The following KIAA0753 variants were observed in gnomAD, a reference collection of about 807,000 sequenced individuals.
KIAA0753 encodes the protein protein moonraker.
KIAA0753 carries 114 observed loss-of-function variants against 116.9 expected under a neutral mutation model. The ratio of observed to expected loss-of-function variants is 0.98; its 90% CI spans 0.84 to 1.14. KIAA0753 has a LOEUF of 1.14. Ranked by LOEUF, KIAA0753 falls within the 50% of genes most tolerant of loss-of-function variation. The probability of loss-of-function intolerance (pLI) is 0.00; values close to 1 mark genes in which losing one functional copy is unlikely to be tolerated. For synonymous variants in KIAA0753, 405 were observed against 413.1 expected, an observed-to-expected ratio of 0.98 and a Z score of 0.24; for missense variants, 1,156 against 1,172.4, an observed-to-expected ratio of 0.99 and a Z score of 0.20.
At chr17:6,596,488 G>A (rs1028830130) in intron 14 of KIAA0753, 145 bp from the exon 15 acceptor site, 7 of 627,502 alleles carry the variant, frequency 1.1e-5, no homozygotes, top group African/African-American at 1.8e-5. Context: ...AGTTTCTATG[G>A]TAAAACAAGA....
chr17:6,622,963 G>A lies in KIAA0753; in HGVS notation c.1023C>T (p.Arg341=), dbSNP rs759561976. ...ARCKELGSLI[R]QLSLCSVKLD... ...GCTTGACAGAACAAAGTGAAAGCTG[G>A]CGAATAAGGCTGCCCAGTTCCTTAC... The change falls in exon 6 of 19, where the codon CGC becomes CGT. Residue 341 remains arginine, a synonymous_variant. Transcript: ENST00000361413. The A allele has an allele frequency of 6.2e-7, 1 of 1,614,168 alleles. No homozygotes were observed. Among genetic ancestry groups the A allele is most frequent in the East Asian group, 2.2e-5 (1 of 44,880 alleles).
intron 1 of KIAA0753, chr17:6,637,433 C>G (rs1972399568): frequency 1.3e-5 from 2 of 152,372 alleles, no homozygotes; most frequent in Admixed American, 1.3e-4. Context: ...GAGCCGTCAT[C>G]CCCAGAGCCC....
Position 6,591,047 on chromosome 17 carries a change from GAAGAAGAAGAAGAAGAAGAAGAAGAA to G in KIAA0753, c.2441-443_2441-418del, listed in dbSNP as rs1466128592. On this transcript the variant is annotated intron_variant, in intron 16 of 18. Transcript: ENST00000361413. ...AGAAGGAAGAAGGAAGAAGGAAGAA[GAAGAAGAAGAAGAAGAAGAAGAAGAA>G]GAAGAAGAAGAAGAAGAAGAAGAAG... Among the ~76,000 whole-genome samples, 985 of 99,360 alleles carry G rather than the reference GAAGAAGAAGAAGAAGAAGAAGAAGAA, an allele frequency of 9.9e-3. 24 individuals are homozygous for G. Among genetic ancestry groups the G allele is most frequent in the African/African-American group, 0.032 (850 of 26,408 alleles). The allele number at this position is 99,360 out of a possible 152,430, so 65.2% of individuals were successfully genotyped here. A position where few individuals can be genotyped will look rare whatever the true frequency, so the allele number is the denominator to read the frequency against.
chr17:6,591,966 G>T (rs114648386), intron 16 of KIAA0753, among the ~76,000 whole-genome samples: 2 of 152,206 alleles, frequency 1.3e-5, no homozygotes, highest in African/African-American at 4.8e-5. Flanking sequence ...CAAATACCTC[G>T]AACACATGGT....
At chr17:6,623,864 C>G (rs752063438) in intron 4 of KIAA0753, 6 of 275,830 alleles carry the variant, frequency 2.2e-5, no homozygotes, top group African/African-American at 1.3e-4. Flanking sequence ...CGGGCCGGAT[C>G]GTGAAGTCTT....
intron 16 of KIAA0753, among the ~76,000 whole-genome samples, chr17:6,592,208 C>T (rs1016443379): frequency 6.6e-6 from 1 of 152,170 alleles, no homozygotes; most frequent in Non-Finnish European, 1.5e-5. Context: ...CAAAAGGTAA[C>T]ACATTAGTGT....
In KIAA0753 at chr17:6,628,740, T is replaced by C. The variant is rs1333396738; in HGVS notation, c.95A>G (p.Asn32Ser). ...RSDPKVLQTQ[N>S]QLQFNRNVPT... ...AACATTCCTATTAAACTGCAGCTGG[T>C]TCTTTAAAAAGCAAATAAAAGTAAG... Residue 32 changes from asparagine to serine, a missense_variant and splice_region_variant, in exon 3 of 19, where the codon AAC (asparagine) becomes AGC (serine). Physicochemically the swap from Asn to Ser is conservative, Grantham distance 46. Transcript: ENST00000361413. 5 of 1,581,688 alleles carry C rather than the reference T, an allele frequency of 3.2e-6. No homozygotes were observed. Among genetic ancestry groups the C allele is most frequent in the Non-Finnish European group, 4.3e-6 (5 of 1,164,954 alleles).
chr17:6,611,493 T>C lies in KIAA0753; in HGVS notation c.1545+426A>G, dbSNP rs189569031. Among the ~76,000 whole-genome samples, 37 of 152,236 alleles carry C rather than the reference T, an allele frequency of 2.4e-4. No individual in the cohort carries two copies. The East Asian group carries it at 7.2e-3, about 29-fold the overall frequency. On this transcript the variant is annotated intron_variant, in intron 8 of 18. Coordinates refer to ENST00000361413, the MANE Select transcript of KIAA0753 (RefSeq NM_014804.3). ...TTTTGTTTTTAGTAGAGATGGGGTC[T>C]CACTATGTTGCCCAGGCTGGTCTTA... is the stretch of plus-strand genomic sequence containing the variant.
intron 14 of KIAA0753, 78 bp from the exon 15 acceptor site, chr17:6,596,421 A>T: frequency 8.7e-7 from 1 of 1,146,536 alleles, no homozygotes; most frequent in Admixed American, 2.3e-5. Context: ...AAAACAGAAA[A>T]ACATAAAAAT....
intron 3 of KIAA0753, among the ~76,000 whole-genome samples, chr17:6,626,847 CTCTGT>C (rs1250616686): frequency 2.0e-5 from 3 of 152,186 alleles, no homozygotes; most frequent in African/African-American, 7.2e-5. Flanking sequence ...ACTTTGAAAG[CTCTGT>C]TCTAACAGTT....
chr17:6,607,037 C>A (rs1038983148), intron 11 of KIAA0753, 75 bp from the exon 12 acceptor site: 21 of 1,485,918 alleles, frequency 1.4e-5, no homozygotes, highest in Non-Finnish European at 2.0e-5. Flanking sequence ...CCAGTCTTGG[C>A]TCCCCCCTTG....
Position 6,591,033 on chromosome 17 carries a change from GGAAGAAGGAAGAAGAAGAAGAAGAA to G in KIAA0753, c.2441-428_2441-404del, listed in dbSNP as rs1567540414. ...AGGAAGAAGAAGGAAGAAGGAAGAA[GGAAGAAGGAAGAAGAAGAAGAAGAA>G]GAAGAAGAAGAAGAAGAAGAAGAAG... On this transcript the variant is annotated intron_variant, in intron 16 of 18. Coordinates refer to ENST00000361413, the MANE Select transcript of KIAA0753 (RefSeq NM_014804.3). Among the ~76,000 whole-genome samples, 12 of 90,596 alleles carry G rather than the reference GGAAGAAGGAAGAAGAAGAAGAAGAA, an allele frequency of 1.3e-4. 2 individuals carry two copies. Among genetic ancestry groups the G allele is most frequent in the Non-Finnish European group, 1.8e-4 (9 of 49,766 alleles). The allele number at this position is 90,596 out of a possible 152,430, so 59.4% of individuals were successfully genotyped here. A position where few individuals can be genotyped will look rare whatever the true frequency, so the allele number is the denominator to read the frequency against.
At position 6,628,662 on chromosome 17, in the gene KIAA0753, C is replaced by T. The variant is rs1403309549; in HGVS notation, c.173G>A (p.Arg58Lys). Residue 58 changes from arginine to lysine, a missense_variant, in exon 3 of 19, where the codon AGA (arginine) becomes AAA (lysine). Coordinates refer to ENST00000361413, the MANE Select transcript of KIAA0753 (RefSeq NM_014804.3). ...AIRYSCPHAI[R>K]IEKLKHSYNE... ...GTATGAGTGCTTCAGTTTTTCAATTCTAATGGCATGTGGGCAAGAATATCG... is the reference window on the plus strand; with the variant it reads ...GTATGAGTGCTTCAGTTTTTCAATTTTAATGGCATGTGGGCAAGAATATCG... 6.2e-7 allele frequency: 1 copy of T among 1,614,098 alleles called. No individual in the cohort carries two copies. The highest frequency in any genetic ancestry group is 2.2e-5 in the East Asian group (1 of 44,884).
At chr17:6,614,854 A>G (rs951906244) in intron 7 of KIAA0753, among the ~76,000 whole-genome samples, 1 of 152,344 alleles carries the variant, frequency 6.6e-6, no homozygotes, top group African/African-American at 2.4e-5. Context: ...CCTGGAGTGC[A>G]GTAGTGTGAT....
rs571105900 is a variant in KIAA0753, at chr17:6,628,480, C to T, written c.355G>A (p.Glu119Lys). ...TGAGGCTGACTTCTGAGATGATGTTCTTTTATATGTTTTTCAAATTGTCTT... is the reference window on the plus strand; with the variant it reads ...TGAGGCTGACTTCTGAGATGATGTTTTTTTATATGTTTTTCAAATTGTCTT... ...KRRQFEKHIK[E>K]HHLRSQPQSS... The change falls in exon 3 of 19, where the codon GAA becomes AAA. Residue 119 changes from glutamate to lysine, a missense_variant. By Grantham distance (56) the Glu-to-Lys change is moderately conservative. Transcript: ENST00000361413. 6.2e-7 allele frequency: 1 copy of T among 1,614,036 alleles called. No homozygotes were observed. Among genetic ancestry groups the T allele is most frequent in the African/African-American group, 1.3e-5 (1 of 74,908 alleles).
Position 6,579,612 on chromosome 17 carries a change from C to T in KIAA0753, c.*135G>A. ...CAAAGTGAGGATGACCTCCCCGGCA[C>T]TGCCTTCCTTTCAGTGGGCAGCACC... On this transcript the variant is annotated 3_prime_UTR_variant, in exon 19 of 19. Transcript: ENST00000361413. 1 of 676,902 alleles carries T rather than the reference C, an allele frequency of 1.5e-6. No homozygotes were observed. The highest frequency in any genetic ancestry group is 1.7e-5 in the South Asian group (1 of 57,590). 41.9% of individuals were successfully genotyped at this position (676,902 alleles called of 1,614,324 possible).
At chr17:6,591,012 A>AGAAGAAG (rs1314690341) in intron 16 of KIAA0753, among the ~76,000 whole-genome samples, 98 of 84,720 alleles carry the variant, frequency 1.2e-3, no homozygotes, top group Non-Finnish European at 1.8e-3. Flanking sequence ...AGAAGAAGGA[A>AGAAGAAG]GAAGAAGGAA....
rs1382176990 is a variant in KIAA0753 at position 6,595,050 on chromosome 17, ATTTC to A, written c.2359-1_2361del. ...TATCTTTGACGAACAGACTCCTGGTATTTCTTTAAAAAAAAAGAAAAAAGTTTAA... is the reference window on the plus strand; with the variant it reads ...TATCTTTGACGAACAGACTCCTGGTATTTAAAAAAAAAGAAAAAAGTTTAA... On this transcript the variant is annotated splice_acceptor_variant and coding_sequence_variant, in exon 16 of 19. Transcript: ENST00000361413. LOFTEE classifies it high-confidence loss of function. 1 of 1,593,892 alleles carries A rather than the reference ATTTC, an allele frequency of 6.3e-7. No homozygotes were observed. Among genetic ancestry groups the A allele is most frequent in the Non-Finnish European group, 8.6e-7 (1 of 1,169,050 alleles).
chr17:6,605,785 C>T (rs1451040590), intron 12 of KIAA0753, among the ~76,000 whole-genome samples: 3 of 150,778 alleles, frequency 2.0e-5, no homozygotes, highest in Admixed American at 6.6e-5. Context: ...GATTCCTTGA[C>T]TTACGATGGT....
Sources: allele counts gnomAD v4.1 joint callset (sites outside exome capture counted in the v4.1 genomes callset), GRCh38; gene constraint gnomAD v4.1.1; transcripts MANE v1.5; gene names NCBI Gene and HGNC (gene_info 2026-07-23, HGNC 2026-07-21).